The following DIAPH2 variants were observed in gnomAD, a reference collection of about 807,000 sequenced individuals.
The protein encoded by DIAPH2 is diaphanous related formin 2.
Under a neutral mutation model 92.7 loss-of-function variants are expected in DIAPH2, and 35 were observed. The ratio of observed to expected loss-of-function variants is 0.38; its 90% confidence interval spans 0.29 to 0.50. The LOEUF (loss-of-function observed/expected upper bound fraction) is 0.50. DIAPH2 is among the 20% of genes least tolerant of loss of function. DIAPH2 has a pLI of 0.94. For synonymous variants in DIAPH2, 301 were observed against 280.4 expected (o/e 1.07, Z -0.73); for missense variants, 701 against 819.5 (o/e 0.86, Z 1.77).
intron 23 of DIAPH2, among the ~76,000 whole-genome samples, chrX:97,323,430 A>C (rs1238425725): frequency 2.0e-5 from 2 of 101,736 alleles, no homozygotes; most frequent in South Asian, 4.8e-4. Context: ...TCTCTACTAA[A>C]AATACAAAAA....
At chrX:96,997,769 TG>T (rs751575186) in intron 17 of DIAPH2, among the ~76,000 whole-genome samples, 1 of 112,092 alleles carries the variant, frequency 8.9e-6, no homozygotes, top group East Asian at 2.8e-4. Context: ...ATCTTCATTT[TG>T]TTAAGAATCT....
chrX:97,287,305 G>GAA (rs1228810335), intron 23 of DIAPH2, among the ~76,000 whole-genome samples: 3 of 101,413 alleles, frequency 3.0e-5, no homozygotes, highest in African/African-American at 1.1e-4. Context: ...ACTCCGTCGG[G>GAA]AAAAAAAAAA....
chrX:97,004,808 T>C (rs1321019962), intron 17 of DIAPH2, among the ~76,000 whole-genome samples: 1 of 112,088 alleles, frequency 8.9e-6, no homozygotes, highest in Non-Finnish European at 1.9e-5. Flanking sequence ...TGTTATTTAA[T>C]TGCTCTAGCT....
At chrX:97,033,576 A>G (rs770643381) in intron 17 of DIAPH2, among the ~76,000 whole-genome samples, 6 of 112,085 alleles carry the variant, frequency 5.4e-5, no homozygotes, top group Non-Finnish European at 9.4e-5. Flanking sequence ...AGCAATAGAG[A>G]ATGTCTAAAT....
chrX:97,449,102 T>A, intron 26 of DIAPH2, among the ~76,000 whole-genome samples: 1 of 112,024 alleles, frequency 8.9e-6, no homozygotes, highest in Non-Finnish European at 1.9e-5. Flanking sequence ...TTGGGACTTT[T>A]TAATGCCAGA....
chrX:96,774,493 A>G (rs749937410), intron 4 of DIAPH2, among the ~76,000 whole-genome samples: 1 of 111,891 alleles, frequency 8.9e-6, no homozygotes, highest in South Asian at 3.8e-4. Flanking sequence ...ATGGGCCAAA[A>G]ATGACTCTGC....
At chrX:97,019,283 G>A (rs2066281421) in intron 17 of DIAPH2, among the ~76,000 whole-genome samples, 2 of 111,297 alleles carry the variant, frequency 1.8e-5, no homozygotes, top group African/African-American at 6.5e-5. Flanking sequence ...TTTTTATATG[G>A]CTGGTGCTAC....
intron 22 of DIAPH2, among the ~76,000 whole-genome samples, chrX:97,245,088 T>TAA (rs34947451): frequency 9.5e-5 from 9 of 94,629 alleles, no homozygotes; most frequent in African/African-American, 3.3e-4. Flanking sequence ...AGACTCCGTC[T>TAA]AAAAAAAAAA....
chrX:96,930,146 A>T (rs1336443805), intron 9 of DIAPH2, among the ~76,000 whole-genome samples: 3 of 110,805 alleles, frequency 2.7e-5, no homozygotes, highest in Non-Finnish European at 5.7e-5. Flanking sequence ...CTTCTAATTG[A>T]TCTTAATTCA....
At chrX:96,808,938 T>C (rs777402063) in intron 4 of DIAPH2, among the ~76,000 whole-genome samples, 27 of 111,992 alleles carry the variant, frequency 2.4e-4, no homozygotes, top group Admixed American at 1.7e-3. Flanking sequence ...AATAGTACCA[T>C]GTATTTATGT....
chrX:97,474,830 G>C (rs2070591753), intron 26 of DIAPH2, among the ~76,000 whole-genome samples: 1 of 110,545 alleles, frequency 9.0e-6, no homozygotes, highest in Admixed American at 9.7e-5. Context: ...GTTCTGGGAT[G>C]GACTAGATAA....
At chrX:96,767,785 T>C (rs1025603458) in intron 4 of DIAPH2, among the ~76,000 whole-genome samples, 1 of 112,016 alleles carries the variant, frequency 8.9e-6, no homozygotes, top group East Asian at 2.8e-4. Flanking sequence ...ATTTGTTATG[T>C]GGTGTGGATT....
intron 26 of DIAPH2, among the ~76,000 whole-genome samples, chrX:97,518,732 G>C (rs2070969491): frequency 9.0e-6 from 1 of 110,816 alleles, no homozygotes; most frequent in Non-Finnish European, 1.9e-5. Context: ...ACTCCTCAAT[G>C]AGAAAATATG....
At chrX:96,971,042 T>G (rs1460659090) in intron 17 of DIAPH2, among the ~76,000 whole-genome samples, 1 of 112,290 alleles carries the variant, frequency 8.9e-6, no homozygotes, top group Non-Finnish European at 1.9e-5. Context: ...ATTGAGCATT[T>G]ACGCTTTTGA....
intron 23 of DIAPH2, among the ~76,000 whole-genome samples, chrX:97,264,452 CAT>C (rs1556013288): frequency 9.0e-6 from 1 of 111,689 alleles, no homozygotes; most frequent in African/African-American, 3.3e-5. Context: ...CACACACACA[CAT>C]GCTATACATT....
chrX:97,179,935 C>T (rs2067525292), intron 22 of DIAPH2, among the ~76,000 whole-genome samples: 2 of 111,742 alleles, frequency 1.8e-5, no homozygotes, highest in Non-Finnish European at 3.8e-5. Flanking sequence ...GACTTATTCA[C>T]TACCATGAGA....
chrX:96,916,340 G>A, intron 7 of DIAPH2, 98 bp from the exon 8 acceptor site: 1 of 756,993 alleles, frequency 1.3e-6, no homozygotes, highest in Non-Finnish European at 1.8e-6. Flanking sequence ...CTCATTGTGG[G>A]GGTATGGGTT....
chrX:96,763,764 A>G (rs1001210804), intron 4 of DIAPH2, among the ~76,000 whole-genome samples: 3 of 111,520 alleles, frequency 2.7e-5, no homozygotes, highest in Non-Finnish European at 3.8e-5. Context: ...ATGATACACT[A>G]TTATATAACA....
At chrX:97,391,072 T>A (rs1372096841) in intron 25 of DIAPH2, among the ~76,000 whole-genome samples, 2 of 110,635 alleles carry the variant, frequency 1.8e-5, no homozygotes, top group Admixed American at 9.7e-5. Context: ...TTTGTACTTA[T>A]AAATATGTTT....
Sources: allele counts gnomAD v4.1 joint callset (sites outside exome capture counted in the v4.1 genomes callset), GRCh38; gene constraint gnomAD v4.1.1; transcripts MANE v1.5; gene names NCBI Gene and HGNC (gene_info 2026-07-23, HGNC 2026-07-21).